The following POMT2 variants were observed in gnomAD, a reference collection of about 807,000 sequenced individuals.
The protein encoded by POMT2 is protein O-mannosyl-transferase 2.
A neutral mutation model predicts 100.0 loss-of-function variants in POMT2; 75 were observed. The observed-to-expected ratio is 0.75, with a 90% confidence interval of 0.62 to 0.91. The LOEUF is 0.91. POMT2 is among the 40% of genes least tolerant of loss of function. POMT2 has a pLI of 0.00. For synonymous variants in POMT2, 378 were observed against 374.1 expected, an observed-to-expected ratio of 1.01 and a Z score of -0.12; for missense variants, 940 against 955.1, an observed-to-expected ratio of 0.98 and a Z score of 0.21.
chr14:77,280,127 G>A lies in POMT2; in HGVS notation c.1726-47C>T, dbSNP rs371757637. ...GCTGACCCAGGCCCAGCCCATCCTCGGCCACACCCATTAGGGGGAGGAAGA... is the reference window on the plus strand; with the variant it reads ...GCTGACCCAGGCCCAGCCCATCCTCAGCCACACCCATTAGGGGGAGGAAGA... On this transcript the variant is annotated intron_variant, in intron 16 of 20. Coordinates refer to ENST00000261534, the MANE Select transcript of POMT2 (RefSeq NM_013382.7). 2.0e-5 allele frequency: 33 copies of A among 1,612,926 alleles called. No homozygotes were observed. The Admixed American group carries it at 2.2e-4, about 11-fold the overall frequency.
intron 1 of POMT2, among the ~76,000 whole-genome samples, chr14:77,313,671 AG>A (rs1445376233): frequency 6.6e-6 from 1 of 152,160 alleles, no homozygotes; most frequent in African/African-American, 2.4e-5. Flanking sequence ...TACTAACAAA[AG>A]GATTCCAGTT....
chr14:77,300,833 AGAC>A (rs1891007916), intron 6 of POMT2: 4 of 473,602 alleles, frequency 8.4e-6, no homozygotes, highest in Non-Finnish European at 1.5e-5. Context: ...AAAAAAAAAA[AGAC>A]AGACATTATA....
chr14:77,291,387 G>C lies in POMT2; in HGVS notation c.1117-7C>G, dbSNP rs201921627. On this transcript the variant is annotated splice_region_variant and splice_polypyrimidine_tract_variant and intron_variant, in intron 9 of 20. Transcript: ENST00000261534. ...TGTGCAAATAGGTGGTGACCTGGGTGGGGGGTGGGGGCGGAGGGAAGAGGA... is the reference window on the plus strand; with the variant it reads ...TGTGCAAATAGGTGGTGACCTGGGTCGGGGGTGGGGGCGGAGGGAAGAGGA... The C allele has an allele frequency of 9.6e-6, 6 of 624,404 alleles. No homozygotes were observed. The highest frequency in any genetic ancestry group is 1.4e-5 in the South Asian group (1 of 70,396). The allele number at this position is 624,404 out of a possible 1,614,324, so 38.7% of individuals were successfully genotyped here. A position where few individuals can be genotyped will look rare whatever the true frequency, so the allele number is the denominator to read the frequency against.
chr14:77,316,353 G>T (rs760983822), intron 1 of POMT2, among the ~76,000 whole-genome samples: 3 of 151,862 alleles, frequency 2.0e-5, no homozygotes, highest in Non-Finnish European at 2.9e-5. Context: ...CAGGAGGATG[G>T]CTTGAGGTCA....
chr14:77,284,301 C>T (rs547819119), intron 14 of POMT2: 3 of 280,922 alleles, frequency 1.1e-5, no homozygotes, highest in Middle Eastern at 1.2e-3. Context: ...TCTGTCTCCT[C>T]GCCAATATGT....
intron 2 of POMT2, among the ~76,000 whole-genome samples, chr14:77,309,331 G>A (rs1443895387): frequency 2.6e-5 from 4 of 152,098 alleles, no homozygotes; most frequent in Non-Finnish European, 4.4e-5. Flanking sequence ...CCTGTCTTAT[G>A]TTTTAAGTTC....
chr14:77,314,524 T>C (rs1252894444), intron 1 of POMT2, among the ~76,000 whole-genome samples: 2 of 152,056 alleles, frequency 1.3e-5, no homozygotes, highest in Non-Finnish European at 2.9e-5. Context: ...GAGACAAGCA[T>C]AGGATGAGGA....
At position 77,278,982 on chromosome 14, in the gene POMT2, T is replaced by G. The variant is rs539758427; in HGVS notation, c.1892-113A>C. On this transcript the variant is annotated intron_variant, in intron 18 of 20. Coordinates refer to ENST00000261534, the MANE Select transcript of POMT2 (RefSeq NM_013382.7). ...GTGACCTTGAATATGTCATATCACC[T>G]CATTGGACCAACCCAAACCACGCTA... is the stretch of plus-strand genomic sequence containing the variant. 2.8e-4 allele frequency: 379 copies of G among 1,374,630 alleles called. 1 individual carries two copies. The highest frequency in any genetic ancestry group is 8.8e-4 in the Middle Eastern group (5 of 5,662). The allele number at this position is 1,374,630 out of a possible 1,614,324, so 85.2% of individuals were successfully genotyped here. A position where few individuals can be genotyped will look rare whatever the true frequency, so the allele number is the denominator to read the frequency against.
Position 77,286,774 on chromosome 14 carries a change from C to T in POMT2, c.1302G>A (p.Arg434=). The T allele has an allele frequency of 6.2e-7, 1 of 1,614,158 alleles. No individual in the cohort carries two copies. The highest frequency in any genetic ancestry group is 8.5e-7 in the Non-Finnish European group (1 of 1,180,036). ...CATAGCCGGTGACCTGATAGTGCTTCCGGGTCATGGGGGCCTCATGATAGT... is the reference window on the plus strand; with the variant it reads ...CATAGCCGGTGACCTGATAGTGCTTTCGGGTCATGGGGGCCTCATGATAGT... ...HSHYHEAPMT[R]KHYQVTGYGI... is the part of the protein sequence containing the mutation. Residue 434 remains arginine, a synonymous_variant, in exon 12 of 21, where the codon CGG becomes CGA. Coordinates refer to ENST00000261534, the MANE Select transcript of POMT2 (RefSeq NM_013382.7).
Position 77,285,590 on chromosome 14 carries a change from C to G in POMT2, c.1375G>C (p.Val459Leu), listed in dbSNP as rs369392641. The G allele has an allele frequency of 8.1e-6, 13 of 1,613,346 alleles. No individual in the cohort carries two copies. Among genetic ancestry groups the G allele is most frequent in the Non-Finnish European group, 1.1e-5 (13 of 1,179,332 alleles). Residue 459 changes from valine to leucine, a missense_variant, in exon 13 of 21, where the codon GTA becomes CTA. By Grantham distance (32) the Val-to-Leu change is conservative. Coordinates refer to ENST00000261534, the MANE Select transcript of POMT2 (RefSeq NM_013382.7). ...DSNDFWRIEV[V>L]NRKFGNRIKV... is the part of the protein sequence containing the mutation. Reference sequence around the variant, plus strand: ...ATCCGGTTTCCAAATTTCCTGTTTACGACCTCAATCCGCCAGAAATCATTT... The same window carrying G: ...ATCCGGTTTCCAAATTTCCTGTTTAGGACCTCAATCCGCCAGAAATCATTT...
Position 77,320,536 on chromosome 14 carries a change from G to C in POMT2, c.146C>G (p.Ser49Ter). 1 of 1,561,808 alleles carries C rather than the reference G, an allele frequency of 6.4e-7. No homozygotes were observed. Among genetic ancestry groups the C allele is most frequent in the Non-Finnish European group, 8.6e-7 (1 of 1,159,346 alleles). Reference protein sequence around the residue: ...ARSPKRPAWGSRRFEAVGWWA... With the variant: ...ARSPKRPAWG The stretch of plus-strand genomic sequence containing the variant: ...CCAGCCGACCGCCTCGAAGCGCCGT[G>C]AGCCCCAAGCAGGCCGTTTGGGGCT... Residue 49 changes from serine to a stop codon, truncating the protein, a stop_gained, in exon 1 of 21, where the codon TCA (serine) becomes TGA (stop). Coordinates refer to ENST00000261534, the MANE Select transcript of POMT2 (RefSeq NM_013382.7). LOFTEE classifies it high-confidence loss of function.
At chr14:77,278,679 GC>G in intron 19 of POMT2, 49 bp downstream of exon 19, 2 of 1,610,808 alleles carry the variant, frequency 1.2e-6, no homozygotes, top group East Asian at 2.2e-5. Context: ...CCCAACAGTG[GC>G]CCGCCCTCCA....
At chr14:77,300,399 G>A (rs1890981085) in intron 6 of POMT2, 1 of 155,154 alleles carries the variant, frequency 6.4e-6, no homozygotes, top group Non-Finnish European at 1.4e-5. Flanking sequence ...ATTATGAGGG[G>A]TAAATGAGAT....
At chr14:77,277,995 C>T (rs1890036781) in intron 20 of POMT2, among the ~76,000 whole-genome samples, 1 of 151,976 alleles carries the variant, frequency 6.6e-6, no homozygotes, top group African/African-American at 2.4e-5. Context: ...CCCGGTTCCC[C>T]CCTCCCTCAC....
intron 6 of POMT2, chr14:77,300,738 C>A: frequency 3.3e-6 from 1 of 306,878 alleles, no homozygotes; most frequent in Non-Finnish European, 6.3e-6. Flanking sequence ...AAGAATCACT[C>A]GTACCCAGGA....
Position 77,288,746 on chromosome 14 carries a change from C to T in POMT2, c.1253+16G>A, listed in dbSNP as rs1890531128. On this transcript the variant is annotated intron_variant, in intron 11 of 20. Coordinates refer to ENST00000261534, the MANE Select transcript of POMT2 (RefSeq NM_013382.7). ...TGCCCGTACCATTTATTTATCCAAACTGCAAATTGACTTACTCTTTGTGTT... is the reference window on the plus strand; with the variant it reads ...TGCCCGTACCATTTATTTATCCAAATTGCAAATTGACTTACTCTTTGTGTT... 6.2e-7 allele frequency: 1 copy of T among 1,611,226 alleles called. No individual in the cohort carries two copies. Among genetic ancestry groups the T allele is most frequent in the Non-Finnish European group, 8.5e-7 (1 of 1,177,518 alleles).
At chr14:77,288,975 C>T in intron 10 of POMT2, 144 bp from the exon 11 acceptor site, 1 of 726,500 alleles carries the variant, frequency 1.4e-6, no homozygotes, top group South Asian at 1.5e-5. Flanking sequence ...AGGAAAGACC[C>T]CTAAATTGCT....
At chr14:77,279,792 G>C in intron 18 of POMT2, 31 bp downstream of exon 18, 1 of 1,600,728 alleles carries the variant, frequency 6.2e-7, no homozygotes, top group Non-Finnish European at 8.5e-7. Context: ...CTGCCGCCAG[G>C]TCAGGGGAGG....
chr14:77,298,541 G>T (rs7143099), intron 8 of POMT2, 148 bp downstream of exon 8: 45 of 833,508 alleles, frequency 5.4e-5, no homozygotes, highest in Middle Eastern at 4.4e-4. Context: ...ATTCACTCTC[G>T]AGTATTTTCA....
Sources: allele counts gnomAD v4.1 joint callset (sites outside exome capture counted in the v4.1 genomes callset), GRCh38; gene constraint gnomAD v4.1.1; transcripts MANE v1.5; gene names NCBI Gene and HGNC (gene_info 2026-07-23, HGNC 2026-07-21).